PCDH9: variants seen among roughly 807,000 people sequenced by gnomAD.
PCDH9 encodes the protein protocadherin-9.
A neutral mutation model predicts 70.6 loss-of-function variants in PCDH9; 24 were observed. The observed-to-expected ratio is 0.34, with a 90% CI of 0.25 to 0.48. The LOEUF is 0.48. PCDH9 is among the 20% of genes least tolerant of loss of function. The probability of loss-of-function intolerance (pLI) is 0.99; values close to 1 mark genes in which losing one functional copy is unlikely to be tolerated. For missense variants in PCDH9, 1,281 were observed against 1,503.6 expected, an observed-to-expected ratio of 0.85 and a Z score of 2.45; for synonymous variants, 562 against 558.5, an observed-to-expected ratio of 1.01 and a Z score of -0.09.
chr13:66,810,988 C>T (rs1351888268), intron 3 of PCDH9, among the ~76,000 whole-genome samples: 1 of 151,998 alleles, frequency 6.6e-6, no homozygotes, highest in East Asian at 1.9e-4. Context: ...TGTCTTAACA[C>T]TGATAATTAC....
chr13:67,039,089 A>G (rs550285622), intron 2 of PCDH9, among the ~76,000 whole-genome samples: 1 of 152,214 alleles, frequency 6.6e-6, no homozygotes, highest in Non-Finnish European at 1.5e-5. Context: ...GAACTTCTGC[A>G]TTGGCAAATG....
chr13:66,479,468 G>T (rs1404161468), intron 4 of PCDH9, among the ~76,000 whole-genome samples: 1 of 152,186 alleles, frequency 6.6e-6, no homozygotes, highest in Non-Finnish European at 1.5e-5. Flanking sequence ...TTCTGGAAAG[G>T]ATTCACCATT....
At chr13:66,495,690 C>G (rs1959105957) in intron 4 of PCDH9, among the ~76,000 whole-genome samples, 1 of 152,162 alleles carries the variant, frequency 6.6e-6, no homozygotes, top group Admixed American at 6.5e-5. Context: ...GTAGAGAACA[C>G]ACTGGTGACT....
intron 2 of PCDH9, among the ~76,000 whole-genome samples, chr13:67,053,984 T>C (rs2085371338): frequency 6.6e-6 from 1 of 152,172 alleles, no homozygotes; most frequent in Non-Finnish European, 1.5e-5. Context: ...GCTCTACAAT[T>C]ATGGAAGCTC....
chr13:66,995,748 G>A (rs1396378391), intron 2 of PCDH9, among the ~76,000 whole-genome samples: 1 of 152,080 alleles, frequency 6.6e-6, no homozygotes, highest in Non-Finnish European at 1.5e-5. Flanking sequence ...TAAAAAGATT[G>A]AAAAATTATG....
chr13:66,469,577 C>T (rs1346463910), intron 4 of PCDH9, among the ~76,000 whole-genome samples: 1 of 152,070 alleles, frequency 6.6e-6, no homozygotes, highest in East Asian at 1.9e-4. Flanking sequence ...TATTAACTTA[C>T]AAGCTATCCA....
chr13:66,736,124 T>A lies in PCDH9; in HGVS notation c.3139-104713A>T, dbSNP rs542830442. On this transcript the variant is annotated intron_variant, in intron 3 of 4. Transcript: ENST00000377865. ...ATTAATTAAATACAGCATACTATGATAATTAATATATTTATGATACTTATT... is the reference window on the plus strand; with the variant it reads ...ATTAATTAAATACAGCATACTATGAAAATTAATATATTTATGATACTTATT... Among the ~76,000 whole-genome samples, 5 of 152,302 alleles carry A rather than the reference T, an allele frequency of 3.3e-5. No homozygotes were observed. In the South Asian group the frequency reaches 8.3e-4, roughly 25 times the overall value.
intron 2 of PCDH9, among the ~76,000 whole-genome samples, chr13:66,941,364 T>C (rs147203577): frequency 1.3e-5 from 2 of 151,244 alleles, no homozygotes; most frequent in Admixed American, 6.6e-5. Flanking sequence ...ATGGGGCAAA[T>C]AGATAACAAA....
At chr13:66,395,342 C>T (rs968014689) in intron 4 of PCDH9, among the ~76,000 whole-genome samples, 2 of 152,256 alleles carry the variant, frequency 1.3e-5, no homozygotes, top group South Asian at 4.1e-4. Flanking sequence ...GTGGCTCAGG[C>T]CTGTAATCCC....
chr13:67,184,683 ATC>A (rs1206186640), intron 2 of PCDH9, among the ~76,000 whole-genome samples: 1 of 152,208 alleles, frequency 6.6e-6, no homozygotes, highest in African/African-American at 2.4e-5. Flanking sequence ...GTGAGCTGAG[ATC>A]GCACCACTGC....
chr13:66,415,482 C>A (rs1198709278), intron 4 of PCDH9, among the ~76,000 whole-genome samples: 1 of 152,082 alleles, frequency 6.6e-6, no homozygotes, highest in Non-Finnish European at 1.5e-5. Flanking sequence ...CCACAGCACA[C>A]AAATAAATAG....
At chr13:67,172,188 T>G (rs2088305445) in intron 2 of PCDH9, among the ~76,000 whole-genome samples, 1 of 152,136 alleles carries the variant, frequency 6.6e-6, no homozygotes, top group African/African-American at 2.4e-5. Context: ...AAATCTCAAG[T>G]AAATGTTAAC....
chr13:66,757,203 T>C lies in PCDH9; in HGVS notation c.3139-125792A>G, dbSNP rs1325681400. On this transcript the variant is annotated intron_variant, in intron 3 of 4. Coordinates refer to ENST00000377865, the MANE Select transcript of PCDH9 (RefSeq NM_203487.3). Reference sequence around the variant, plus strand: ...TTCGGTGCTCTGTCCCTCTGTCTTCTAGAGCAACTTTGAAAATTCTTGTTG... The same window carrying C: ...TTCGGTGCTCTGTCCCTCTGTCTTCCAGAGCAACTTTGAAAATTCTTGTTG... 5.3e-5 allele frequency among the ~76,000 whole-genome samples: 8 copies of C among 152,154 alleles called. 1 individual carries two copies. The East Asian group carries it at 1.4e-3, about 26-fold the overall frequency.
chr13:67,058,257 C>T (rs948256188), intron 2 of PCDH9, among the ~76,000 whole-genome samples: 1 of 152,054 alleles, frequency 6.6e-6, no homozygotes, highest in African/African-American at 2.4e-5. Context: ...CACACACGTG[C>T]GAACATACAC....
At chr13:67,086,438 C>T (rs2086109107) in intron 2 of PCDH9, among the ~76,000 whole-genome samples, 1 of 152,134 alleles carries the variant, frequency 6.6e-6, no homozygotes, top group African/African-American at 2.4e-5. Flanking sequence ...TTAAAGTGCA[C>T]AGACAGCCAA....
At chr13:66,935,226 T>C (rs2082896711) in intron 2 of PCDH9, among the ~76,000 whole-genome samples, 1 of 151,972 alleles carries the variant, frequency 6.6e-6, no homozygotes, top group Non-Finnish European at 1.5e-5. Flanking sequence ...CCTGACTATT[T>C]TTTAATTTTT....
chr13:66,459,224 G>A (rs908658927), intron 4 of PCDH9, among the ~76,000 whole-genome samples: 6 of 151,930 alleles, frequency 3.9e-5, no homozygotes, highest in African/African-American at 1.4e-4. Flanking sequence ...AAAATCCAAA[G>A]AGCAGAGTCA....
intron 2 of PCDH9, among the ~76,000 whole-genome samples, chr13:67,099,392 T>C (rs78489524): frequency 0.038 from 5,738 of 152,282 alleles, 187 homozygotes; most frequent in Middle Eastern, 0.058. Flanking sequence ...AATTTGTAAA[T>C]ATGCAAATTA....
chr13:66,576,892 T>TATCA (rs1313319906), intron 4 of PCDH9, among the ~76,000 whole-genome samples: 1 of 152,108 alleles, frequency 6.6e-6, no homozygotes, highest in African/African-American at 2.4e-5. Context: ...AAAACATTTC[T>TATCA]ATCAGTGCAG....
Sources: allele counts gnomAD v4.1 joint callset (sites outside exome capture counted in the v4.1 genomes callset), GRCh38; gene constraint gnomAD v4.1.1; transcripts MANE v1.5; gene names NCBI Gene and HGNC (gene_info 2026-07-23, HGNC 2026-07-21).